Variants in OR4K1 observed in about 807,000 individuals in gnomAD.
OR4K1 encodes olfactory receptor 4K1.
A neutral mutation model predicts 14.4 loss-of-function variants in OR4K1; 16 were observed. That is an observed-to-expected ratio of 1.11 (90% CI 0.75 to 1.68). OR4K1 has a LOEUF of 1.68. Among genes scored for constraint, OR4K1 ranks in the 40% most tolerant of loss-of-function variants. OR4K1 has a pLI of 0.00. For missense variants in OR4K1, 548 were observed against 376.9 expected (o/e 1.45, Z -3.76); for synonymous variants, 181 against 133.1 (o/e 1.36, Z -2.48).
At chr14:19,925,181 A>G in the OR4K1 span, among the ~76,000 whole-genome samples, 2 of 152,242 alleles carry the variant, frequency 1.3e-5, no homozygotes, top group Non-Finnish European at 1.5e-5. Context: ...GTAAATGTGG[A>G]AATAACTCTA....
At chr14:19,931,423 C>T (rs1261049343) in intron 1 of OR4K1, 1 of 152,284 alleles carries the variant, frequency 6.6e-6, no homozygotes, top group African/African-American at 2.4e-5. Context: ...TCTGTCCCTT[C>T]TCTGACCCAT....
rs1356324308 is a variant in OR4K1 at position 19,936,606 on chromosome 14, T to G, written c.*4T>G. 11 of 1,592,620 alleles carry G rather than the reference T, an allele frequency of 6.9e-6. No individual in the cohort carries two copies. The Admixed American group carries it at 7.1e-5, about 10-fold the overall frequency. On this transcript the variant is annotated 3_prime_UTR_variant, in exon 2 of 2. Coordinates refer to ENST00000641172, the MANE Select transcript of OR4K1 (RefSeq NM_001004063.3). Reference sequence around the variant, plus strand: ...TGTGAACTCCTGGAAAAACTAGGGATCATTACGAAGGAGCATAATCCTGAA... The same window carrying G: ...TGTGAACTCCTGGAAAAACTAGGGAGCATTACGAAGGAGCATAATCCTGAA...
upstream of OR4K1, among the ~76,000 whole-genome samples, chr14:19,926,461 C>T (rs1882065651): frequency 6.6e-6 from 1 of 152,238 alleles, no homozygotes; most frequent in Admixed American, 6.5e-5. Context: ...AGAAGGTTAG[C>T]AATAACCCTT....
chr14:19,921,626 T>C, the OR4K1 span: 3 of 1,529,936 alleles, frequency 2.0e-6, no homozygotes, highest in Non-Finnish European at 1.8e-6. Flanking sequence ...TTTAATATTT[T>C]AATGTATTTT....
rs1309760562 is a variant in OR4K1, at chr14:19,936,478, T to G, written c.812T>G (p.Leu271Arg). The G allele has an allele frequency of 1.2e-6, 2 of 1,613,890 alleles. No individual in the cohort carries two copies. The highest frequency in any genetic ancestry group is 1.3e-5 in the African/African-American group (1 of 74,934). The change falls in exon 2 of 2, where the codon CTT (leucine) becomes CGT (arginine). Residue 271 changes from leucine to arginine, a missense_variant. Transcript: ENST00000641172. The part of the protein sequence containing the change: ...PFSRLPVDKF[L>R]SVFYTVCTPL... ...AGCAGACTTCCTGTGGACAAATTTC[T>G]TTCTGTGTTCTACACTGTTTGTACT...
chr14:19,933,289 T>G (rs1882227008), intron 1 of OR4K1, among the ~76,000 whole-genome samples: 1 of 152,186 alleles, frequency 6.6e-6, no homozygotes, highest in Non-Finnish European at 1.5e-5. Flanking sequence ...ATTAAATAAC[T>G]GCATTTAATA....
intron 1 of OR4K1, among the ~76,000 whole-genome samples, chr14:19,932,528 T>C (rs1387887476): frequency 6.6e-6 from 1 of 152,238 alleles, no homozygotes; most frequent in African/African-American, 2.4e-5. Context: ...CAAGGAACTG[T>C]TCATTCCATT....
Position 19,936,643 on chromosome 14 carries a change from AC to A in OR4K1, c.*44del, listed in dbSNP as rs748197347. The stretch of plus-strand genomic sequence containing the variant: ...AGCATAATCCTGAATTAGAATGAAG[AC>A]CCTCCAGTGTATCATAGTGTCATGC... On this transcript the variant is annotated 3_prime_UTR_variant, in exon 2 of 2. Coordinates refer to ENST00000641172, the MANE Select transcript of OR4K1 (RefSeq NM_001004063.3). The A allele has an allele frequency of 4.0e-6, 6 of 1,518,972 alleles. No individual in the cohort carries two copies. The highest frequency in any genetic ancestry group is 4.4e-6 in the Non-Finnish European group (5 of 1,123,634). The allele number at this position is 1,518,972 out of a possible 1,614,324, so 94.1% of individuals were successfully genotyped here. A position where few individuals can be genotyped will look rare whatever the true frequency, so the allele number is the denominator to read the frequency against.
Position 19,936,111 on chromosome 14 carries a change from TGG to T in OR4K1, c.447_448del (p.Trp149CysfsTer24), listed in dbSNP as rs778454904. ...RLCVIFVSIS[W>X]AVGVLHSVSH... ...CTGTGTAATTTTTGTGTCTATTTCCTGGGCGGTGGGCGTTCTTCATTCTGTGA... is the reference window on the plus strand; with the variant it reads ...CTGTGTAATTTTTGTGTCTATTTCCTGCGGTGGGCGTTCTTCATTCTGTGA... On this transcript the variant is annotated frameshift_variant, in exon 2 of 2. Transcript: ENST00000641172. LOFTEE classifies it high-confidence loss of function. The T allele has an allele frequency of 1.2e-5, 20 of 1,614,108 alleles. 1 individual carries two copies. In the South Asian group the frequency reaches 2.0e-4, roughly 16 times the overall value.
At chr14:19,924,891 C>T in the OR4K1 span, among the ~76,000 whole-genome samples, 16 of 152,254 alleles carry the variant, frequency 1.1e-4, no homozygotes, top group East Asian at 1.2e-3. Flanking sequence ...CACATAGCAT[C>T]GTATTTCGGT....
chr14:19,924,256 C>A, the OR4K1 span, among the ~76,000 whole-genome samples: 3 of 151,942 alleles, frequency 2.0e-5, no homozygotes, highest in Non-Finnish European at 4.4e-5. Flanking sequence ...CAAAATTAGC[C>A]GGGCATGGTG....
At chr14:19,929,830 A>G (rs1882147026), upstream of OR4K1, among the ~76,000 whole-genome samples, 1 of 152,212 alleles carries the variant, frequency 6.6e-6, no homozygotes, top group Admixed American at 6.5e-5. Flanking sequence ...ACATTATTTT[A>G]CTATTGTGAT....
the OR4K1 span, among the ~76,000 whole-genome samples, chr14:19,925,674 A>T: frequency 6.6e-6 from 1 of 152,278 alleles, no homozygotes; most frequent in South Asian, 2.1e-4. Flanking sequence ...GACAAGGAAC[A>T]GTCCTTCAGA....
chr14:19,928,623 T>C (rs1882112282), upstream of OR4K1, among the ~76,000 whole-genome samples: 1 of 152,188 alleles, frequency 6.6e-6, no homozygotes, highest in Non-Finnish European at 1.5e-5. Flanking sequence ...AAATGTTACC[T>C]GTTTTCTACT....
In OR4K1 at chr14:19,936,521, C is replaced by A. The variant is rs1338822299; in HGVS notation, c.855C>A (p.Ile285=). 1 of 1,613,648 alleles carries A rather than the reference C, an allele frequency of 6.2e-7. No homozygotes were observed. Among genetic ancestry groups the A allele is most frequent in the Non-Finnish European group, 8.5e-7 (1 of 1,179,942 alleles). ...YTVCTPLLNP[I]IYSLRNEDVK... is the part of the protein sequence containing the mutation. ...TTTGTACTCCCTTGTTGAACCCCAT[C>A]ATCTACTCTCTGAGGAATGAAGATG... The change falls in exon 2 of 2, where the codon ATC becomes ATA. Residue 285 remains isoleucine, a synonymous_variant. Transcript: ENST00000641172.
rs932875881 is a variant in OR4K1, at chr14:19,935,850, T to G, written c.184T>G (p.Leu62Val). 2.5e-6 allele frequency: 4 copies of G among 1,614,256 alleles called. No homozygotes were observed. The highest frequency in any genetic ancestry group is 3.4e-6 in the Non-Finnish European group (4 of 1,180,044). ...DSHLNSPMYF[L>V]LSNLSFIDIC... ...CCATTTGAACTCTCCTATGTACTTC[T>G]TGCTCAGTAATCTTTCTTTCATTGA... The change falls in exon 2 of 2, where the codon TTG (leucine) becomes GTG (valine). Residue 62 changes from leucine to valine, a missense_variant. Transcript: ENST00000641172.
At chr14:19,921,343 T>G in the OR4K1 span, 30 of 1,614,078 alleles carry the variant, frequency 1.9e-5, no homozygotes, top group Non-Finnish European at 2.4e-5. Context: ...CATATTGCAG[T>G]AGTAATATTA....
At chr14:19,920,892 G>T in the OR4K1 span, 1 of 1,614,198 alleles carries the variant, frequency 6.2e-7, no homozygotes, top group Non-Finnish European at 8.5e-7. Flanking sequence ...ATCTTTCAGT[G>T]GCTGCATAGC....
intron 1 of OR4K1, among the ~76,000 whole-genome samples, chr14:19,932,052 G>T (rs1355471029): frequency 1.3e-5 from 2 of 152,164 alleles, no homozygotes; most frequent in African/African-American, 4.8e-5. Flanking sequence ...TGTTGAACCT[G>T]ATCTGTTCTA....
Sources: allele counts gnomAD v4.1 joint callset (sites outside exome capture counted in the v4.1 genomes callset), GRCh38; gene constraint gnomAD v4.1.1; transcripts MANE v1.5; gene names NCBI Gene and HGNC (gene_info 2026-07-23, HGNC 2026-07-21).